The following ACSS3 variants were observed in gnomAD, a reference collection of about 807,000 sequenced individuals.
ACSS3 encodes acyl-CoA synthetase short chain family member 3, also known as acyl-CoA synthetase short-chain family member 3, mitochondrial.
Under a neutral mutation model 84.2 loss-of-function variants are expected in ACSS3, and 64 were observed. That is an observed-to-expected ratio of 0.76 (90% CI 0.62 to 0.94). ACSS3 has a LOEUF of 0.94. Ranked by LOEUF, ACSS3 falls within the 40% of genes least tolerant of loss-of-function variation. ACSS3 has a pLI of 0.00. For missense variants in ACSS3, 815 were observed against 867.6 expected, an observed-to-expected ratio of 0.94 and a Z score of 0.76; for synonymous variants, 317 against 310.1, an observed-to-expected ratio of 1.02 and a Z score of -0.23.
intron 10 of ACSS3, 57 bp from the exon 11 acceptor site, chr12:81,219,956 A>T: frequency 8.4e-7 from 1 of 1,192,472 alleles, no homozygotes; most frequent in Non-Finnish European, 1.1e-6. Flanking sequence ...ATATAGAAAA[A>T]TGTTTAAGCT....
rs556429527 is a variant in ACSS3, at chr12:81,189,184, C to T, written c.1251-10157C>T. ...TTTTTTGACTCTTATGCAGTTGCAG[C>T]ATTAATAATACATGTCTTTTTGGTG... On this transcript the variant is annotated intron_variant, in intron 8 of 15. Coordinates refer to ENST00000548058, the MANE Select transcript of ACSS3 (RefSeq NM_024560.4). Among the ~76,000 whole-genome samples the T allele has an allele frequency of 2.6e-5, 4 of 152,194 alleles. No individual in the cohort carries two copies. The East Asian group carries it at 7.7e-4, about 29-fold the overall frequency.
chr12:81,248,536 G>A (rs918108573), intron 13 of ACSS3, among the ~76,000 whole-genome samples: 2 of 151,948 alleles, frequency 1.3e-5, no homozygotes, highest in Non-Finnish European at 2.9e-5. Context: ...AATGATACCA[G>A]AGGCTGAGAA....
rs79947638 is a variant in ACSS3 at position 81,159,923 on chromosome 12, C to A, written c.1098+7827C>A. ...ACACATTTCTCTAAGGCAAATAAAT[C>A]TTTCCGTGTCCTGCCTTTCTCCTTA... On this transcript the variant is annotated intron_variant, in intron 7 of 15. Transcript: ENST00000548058. 2.0e-5 allele frequency among the ~76,000 whole-genome samples: 3 copies of A among 152,318 alleles called. No homozygotes were observed. The East Asian group carries it at 5.8e-4, about 29-fold the overall frequency.
At chr12:81,152,194 G>A (rs878983464) in intron 7 of ACSS3, 98 bp downstream of exon 7, 2 of 853,480 alleles carry the variant, frequency 2.3e-6, no homozygotes, top group Admixed American at 2.6e-5. Flanking sequence ...TTGGGGTGGG[G>A]ACAGGGGACA....
chr12:81,135,004 G>A lies in ACSS3; in HGVS notation c.645G>A (p.Lys215=). 2 of 1,578,532 alleles carry A rather than the reference G, an allele frequency of 1.3e-6. No individual in the cohort carries two copies. The highest frequency in any genetic ancestry group is 1.7e-6 in the Non-Finnish European group (2 of 1,159,294). ...KELSSRIDHV[K]PKVVVTASFG... ...TAAGTAGTCGCATTGATCATGTAAA[G>A]GTAAGTGCTTTATTTTGGGAAATCA... Residue 215 remains lysine (K), a splice_region_variant and synonymous_variant, in exon 3 of 16, where the codon AAG becomes AAA. Transcript: ENST00000548058.
intron 15 of ACSS3, 99 bp downstream of exon 15, chr12:81,253,769 G>A: frequency 8.1e-7 from 1 of 1,228,920 alleles, no homozygotes; most frequent in Non-Finnish European, 1.1e-6. Context: ...AATGTGAATT[G>A]CATCTCTAGA....
intron 9 of ACSS3, among the ~76,000 whole-genome samples, chr12:81,201,193 C>T (rs2032090767): frequency 6.6e-6 from 1 of 152,106 alleles, no homozygotes; most frequent in Non-Finnish European, 1.5e-5. Context: ...AAAATGTTTA[C>T]AGTATTTATG....
Position 81,176,664 on chromosome 12 carries a change from G to C in ACSS3, c.1250+1725G>C, listed in dbSNP as rs1257349571. Among the ~76,000 whole-genome samples, 4 of 151,866 alleles carry C rather than the reference G, an allele frequency of 2.6e-5. 1 individual carries two copies. Among genetic ancestry groups the C allele is most frequent in the Admixed American group, 1.3e-4 (2 of 15,242 alleles). ...TGAACCAATAAGGAGTTCTGAAAAT[G>C]AATCAGTAATAAAAAAAACCTACCA... On this transcript the variant is annotated intron_variant, in intron 8 of 15. Transcript: ENST00000548058.
intron 11 of ACSS3, among the ~76,000 whole-genome samples, chr12:81,229,987 T>C (rs1379768210): frequency 1.3e-5 from 2 of 151,874 alleles, no homozygotes; most frequent in African/African-American, 2.4e-5. Context: ...GAGGTGGCCA[T>C]GTGACCACAC....
chr12:81,086,567 A>G (rs17008008), intron 1 of ACSS3, among the ~76,000 whole-genome samples: 5,023 of 152,244 alleles, frequency 0.033, 210 homozygotes, highest in East Asian at 0.2. Flanking sequence ...TGGAAATTCA[A>G]TCGGCTGTGA....
At chr12:81,206,442 A>G (rs2032350496) in intron 9 of ACSS3, among the ~76,000 whole-genome samples, 1 of 152,122 alleles carries the variant, frequency 6.6e-6, no homozygotes. Context: ...TGTCTGATAC[A>G]TCTTTGTTTT....
chr12:81,138,669 A>G (rs1161844275), intron 3 of ACSS3, among the ~76,000 whole-genome samples: 2 of 152,182 alleles, frequency 1.3e-5, no homozygotes, highest in Non-Finnish European at 2.9e-5. Context: ...AGAAAAAATT[A>G]TTATAAATTA....
intron 7 of ACSS3, among the ~76,000 whole-genome samples, chr12:81,172,418 C>T (rs913911204): frequency 1.3e-5 from 2 of 152,146 alleles, no homozygotes; most frequent in African/African-American, 4.8e-5. Context: ...CATCCCAGCA[C>T]AGTTGTTCTG....
intron 2 of ACSS3, among the ~76,000 whole-genome samples, chr12:81,125,077 G>A (rs1408841897): frequency 6.6e-6 from 1 of 152,156 alleles, no homozygotes; most frequent in Non-Finnish European, 1.5e-5. Flanking sequence ...AGCCGGGCGT[G>A]GTGGTGGGCG....
chr12:81,166,578 C>T (rs765324946), intron 7 of ACSS3, among the ~76,000 whole-genome samples: 1 of 152,050 alleles, frequency 6.6e-6, no homozygotes, highest in South Asian at 2.1e-4. Context: ...AGAAGGGTGA[C>T]GAGAAGGTTT....
At chr12:81,163,403 G>A (rs1221699453) in intron 7 of ACSS3, among the ~76,000 whole-genome samples, 1 of 152,140 alleles carries the variant, frequency 6.6e-6, no homozygotes, top group African/African-American at 2.4e-5. Context: ...CAAACCTACT[G>A]TGCTGCCAAT....
chr12:81,124,237 T>G (rs1884887343), intron 2 of ACSS3, among the ~76,000 whole-genome samples: 1 of 152,162 alleles, frequency 6.6e-6, no homozygotes, highest in African/African-American at 2.4e-5. Flanking sequence ...TCTCTAAAAA[T>G]TAGTTATGTT....
At chr12:81,237,808 A>G (rs2033674698) in intron 13 of ACSS3, among the ~76,000 whole-genome samples, 3 of 151,698 alleles carry the variant, frequency 2.0e-5, no homozygotes, top group Admixed American at 1.3e-4. Flanking sequence ...CTCAGTCTGT[A>G]TACCTTTTAT....
intron 13 of ACSS3, among the ~76,000 whole-genome samples, chr12:81,241,701 A>T (rs987674660): frequency 1.3e-5 from 2 of 151,700 alleles, no homozygotes; most frequent in Non-Finnish European, 2.9e-5. Context: ...TTTTCTTGTA[A>T]ATTTGTTTGA....
Sources: allele counts gnomAD v4.1 joint callset (sites outside exome capture counted in the v4.1 genomes callset), GRCh38; gene constraint gnomAD v4.1.1; transcripts MANE v1.5; gene names NCBI Gene and HGNC (gene_info 2026-07-23, HGNC 2026-07-21).